MGST1: variants seen among roughly 807,000 people sequenced by gnomAD.
MGST1 encodes the protein glutathione S-transferase 12.
In MGST1, 5 loss-of-function variants were observed where a neutral mutation model predicts 8.9. That is an observed-to-expected ratio of 0.56 (90% CI 0.29 to 1.19). MGST1 has a LOEUF of 1.19. Among genes scored for constraint, MGST1 ranks in the 50% most tolerant of loss-of-function variants. The pLI is 0.08. For missense variants in MGST1, 182 were observed against 187.4 expected (o/e 0.97, Z 0.17); for synonymous variants, 54 against 67.8 (o/e 0.80, Z 1.00).
Position 16,561,644 on chromosome 12 carries a change from C to T in MGST1, n.483-27884C>T, listed in dbSNP as rs565696961. 2.6e-5 allele frequency among the ~76,000 whole-genome samples: 4 copies of T among 152,302 alleles called. No individual in the cohort carries two copies. The East Asian group carries it at 7.7e-4, about 29-fold the overall frequency. ...ATTAGGCACAAATGTGCTGAAGTCTCTCATTACTTTCTGTAGACTCCAAAG... is the reference window on the plus strand; with the variant it reads ...ATTAGGCACAAATGTGCTGAAGTCTTTCATTACTTTCTGTAGACTCCAAAG... On this transcript the variant is annotated intron_variant and non_coding_transcript_variant, in intron 4 of 4. Coordinates refer to the MGST1 transcript ENST00000538857.
intron 4 of MGST1, among the ~76,000 whole-genome samples, chr12:16,511,732 A>G (rs987819284): frequency 3.9e-5 from 6 of 152,146 alleles, no homozygotes; most frequent in Non-Finnish European, 8.8e-5. Context: ...CCTTCCCACC[A>G]GTACCAGCCC....
chr12:16,562,076 T>G (rs1942427227), intron 4 of MGST1, among the ~76,000 whole-genome samples: 1 of 152,222 alleles, frequency 6.6e-6, no homozygotes, highest in Non-Finnish European at 1.5e-5. Flanking sequence ...ATAATATTTA[T>G]TTAAAAAGAA....
At chr12:16,467,579 A>G (rs1435621329) in intron 4 of MGST1, among the ~76,000 whole-genome samples, 1 of 152,216 alleles carries the variant, frequency 6.6e-6, no homozygotes, top group Non-Finnish European at 1.5e-5. Flanking sequence ...TGTTTTCAAT[A>G]GTCAGATGTG....
intron 4 of MGST1, among the ~76,000 whole-genome samples, chr12:16,588,746 A>G (rs1485896121): frequency 3.3e-5 from 5 of 152,136 alleles, no homozygotes; most frequent in Non-Finnish European, 7.4e-5. Flanking sequence ...TTGCACACGA[A>G]AAGTTGGTAA....
chr12:16,474,398 A>G (rs908756385), intron 4 of MGST1, among the ~76,000 whole-genome samples: 3 of 152,256 alleles, frequency 2.0e-5, no homozygotes, highest in African/African-American at 4.8e-5. Flanking sequence ...CTTCTAAAAA[A>G]TTAGAGCAAC....
chr12:16,349,807 C>G (rs1334797806), intron 1 of MGST1, among the ~76,000 whole-genome samples: 1 of 148,708 alleles, frequency 6.7e-6, no homozygotes, highest in South Asian at 2.1e-4. Context: ...TGCAGTGGCA[C>G]GATCTCAGCT....
rs765713665 is a variant in MGST1 at position 16,354,346 on chromosome 12, A to T, written c.94A>T (p.Thr32Ser). 1.9e-5 allele frequency: 31 copies of T among 1,605,300 alleles called. No individual in the cohort carries two copies. In the Admixed American group the frequency reaches 5.3e-4, roughly 28 times the overall value. The change falls in exon 2 of 4, where the codon ACT becomes TCT. Residue 32 changes from threonine (T) to serine (S), a missense_variant. By Grantham distance (58) the Thr-to-Ser change is moderately conservative (BLOSUM62 1). Coordinates refer to ENST00000396210, the MANE Select transcript of MGST1 (RefSeq NM_020300.5). Reference protein sequence around the residue: ...IILSKMMLMSTATAFYRLTRK... With the variant: ...IILSKMMLMSSATAFYRLTRK... ...TCTTTCAAAAATGATGCTTATGAGT[A>T]CTGCAACTGCATTCTATAGATTGAC...
At chr12:16,409,375 CT>C (rs1276641943) in intron 1 of MGST1, among the ~76,000 whole-genome samples, 1 of 152,038 alleles carries the variant, frequency 6.6e-6, no homozygotes, top group African/African-American at 2.4e-5. Context: ...AAAACAGAGC[CT>C]TTATTACCCA....
At chr12:16,394,554 CTTTCT>C (rs1565446440) in intron 1 of MGST1, among the ~76,000 whole-genome samples, 1 of 81,940 alleles carries the variant, frequency 1.2e-5, no homozygotes, top group African/African-American at 4.2e-5. Flanking sequence ...TTCTTTCTTT[CTTTCT>C]TTCTTTCTTT....
chr12:16,445,821 A>G (rs867931924), intron 4 of MGST1, among the ~76,000 whole-genome samples: 18 of 152,052 alleles, frequency 1.2e-4, no homozygotes, highest in South Asian at 4.1e-4. Flanking sequence ...AGGATACACC[A>G]AACCTGAAAT....
downstream of MGST1, among the ~76,000 whole-genome samples, chr12:16,365,741 G>T (rs1024837): frequency 9.9e-6 from 1 of 101,256 alleles, no homozygotes. Context: ...ACGCGTGCAC[G>T]CGCACACACA....
At chr12:16,512,625 A>C (rs551491508) in intron 4 of MGST1, among the ~76,000 whole-genome samples, 30 of 152,194 alleles carry the variant, frequency 2.0e-4, no homozygotes, top group Non-Finnish European at 3.4e-4. Flanking sequence ...AAAATATGAA[A>C]TCTTTATATA....
At chr12:16,573,663 T>A (rs1024164159) in intron 4 of MGST1, 1 of 152,158 alleles carries the variant, frequency 6.6e-6, no homozygotes, top group Non-Finnish European at 1.5e-5. Flanking sequence ...TCTCTGAGGC[T>A]CCCTTCCTGC....
intron 4 of MGST1, among the ~76,000 whole-genome samples, chr12:16,483,309 C>T (rs2137147407): frequency 6.6e-6 from 1 of 151,928 alleles, no homozygotes; most frequent in Admixed American, 6.6e-5. Flanking sequence ...AATTTTCTTC[C>T]TGATTATTAA....
At chr12:16,487,867 CT>C (rs942410478) in intron 4 of MGST1, among the ~76,000 whole-genome samples, 61 of 152,094 alleles carry the variant, frequency 4.0e-4, no homozygotes, top group African/African-American at 1.5e-3. Context: ...GTTGCCCAGG[CT>C]TGTGGGCTTA....
At chr12:16,524,307 GT>G (rs1270450507) in intron 4 of MGST1, among the ~76,000 whole-genome samples, 1 of 151,664 alleles carries the variant, frequency 6.6e-6, no homozygotes, top group Non-Finnish European at 1.5e-5. Context: ...AAATACTTTG[GT>G]TCAGAACTTT....
At chr12:16,395,663 T>C (rs1054529146) in intron 1 of MGST1, among the ~76,000 whole-genome samples, 4 of 151,242 alleles carry the variant, frequency 2.6e-5, no homozygotes, top group African/African-American at 9.7e-5. Context: ...AGTGAGAACA[T>C]AAAATATTTG....
intron 4 of MGST1, among the ~76,000 whole-genome samples, chr12:16,502,166 G>T (rs1268015769): frequency 6.6e-6 from 1 of 152,104 alleles, no homozygotes; most frequent in Non-Finnish European, 1.5e-5. Context: ...AATATTTTGT[G>T]AATTTGGCTT....
rs1565441831 is a variant in MGST1, at chr12:16,373,015, A to G, written c.222-3107A>G. ...TATATATTATATACTATATTATCATATACTATACATACTATGTGTTACATA... is the reference window on the plus strand; with the variant it reads ...TATATATTATATACTATATTATCATGTACTATACATACTATGTGTTACATA... On this transcript the variant is annotated intron_variant, in intron 3 of 3. Transcript: ENST00000535309. Among the ~76,000 whole-genome samples, 3 of 130,496 alleles carry G rather than the reference A, an allele frequency of 2.3e-5. No individual in the cohort carries two copies. The East Asian group carries it at 7.5e-4, about 33-fold the overall frequency. The allele number at this position is 130,496 out of a possible 152,430, so 85.6% of individuals were successfully genotyped here.
Sources: allele counts gnomAD v4.1 joint callset (sites outside exome capture counted in the v4.1 genomes callset), GRCh38; gene constraint gnomAD v4.1.1; transcripts MANE v1.5; gene names NCBI Gene and HGNC (gene_info 2026-07-23, HGNC 2026-07-21).